The following P2RX3 variants were observed in gnomAD, a reference collection of about 807,000 sequenced individuals.
P2RX3 encodes the protein purinergic receptor P2X 3.
Under a neutral mutation model 51.5 loss-of-function variants are expected in P2RX3, and 41 were observed. That is an observed-to-expected ratio of 0.80 (90% CI 0.62 to 1.03). P2RX3 has a LOEUF of 1.03. Among genes scored for constraint, P2RX3 ranks in the 50% least tolerant of loss-of-function variants. The pLI, the probability that P2RX3 is intolerant of heterozygous loss-of-function variation, is 0.00. For missense variants in P2RX3, 459 were observed against 522.1 expected (o/e 0.88, Z 1.18); for synonymous variants, 185 against 191.6 (o/e 0.97, Z 0.29).
At chr11:57,366,959 C>T in intron 8 of P2RX3, among the ~76,000 whole-genome samples, 1 of 152,172 alleles carries the variant, frequency 6.6e-6, no homozygotes, top group East Asian at 1.9e-4. Context: ...TCAATACTGC[C>T]ACATTGGGGA....
chr11:57,359,722 G>C lies in P2RX3; in HGVS notation c.843-8287G>C, dbSNP rs372292720. Among the ~76,000 whole-genome samples, 23 of 152,324 alleles carry C rather than the reference G, an allele frequency of 1.5e-4. No individual in the cohort carries two copies. The East Asian group carries it at 3.9e-3, about 26-fold the overall frequency. ...GGAACTCCTTTTGGCTCCTCTCTTA[G>C]GGAGGCAGTAGGGGTAGGCAAGGGC... On this transcript the variant is annotated intron_variant, in intron 8 of 11. Transcript: ENST00000263314.
chr11:57,363,841 C>T (rs559121740), intron 8 of P2RX3, among the ~76,000 whole-genome samples: 8 of 152,186 alleles, frequency 5.3e-5, no homozygotes, highest in Non-Finnish European at 1.2e-4. Context: ...CTCCTCCCTC[C>T]ACCCGGGAAG....
intron 1 of P2RX3, among the ~76,000 whole-genome samples, chr11:57,343,850 AG>A (rs1856385581): frequency 6.6e-6 from 1 of 152,208 alleles, no homozygotes; most frequent in Non-Finnish European, 1.5e-5. Flanking sequence ...CAGAGAGCCT[AG>A]GCCCCAGACC....
chr11:57,349,948 C>A, intron 7 of P2RX3, 50 bp downstream of exon 7: 1 of 1,607,672 alleles, frequency 6.2e-7, no homozygotes, highest in Non-Finnish European at 8.5e-7. Context: ...ACCTTCAGCC[C>A]TTTCCCAGAT....
intron 8 of P2RX3, among the ~76,000 whole-genome samples, chr11:57,364,763 C>T (rs1856772977): frequency 6.6e-6 from 1 of 152,212 alleles, no homozygotes; most frequent in African/African-American, 2.4e-5. Flanking sequence ...CCTCCACCAC[C>T]TAGACTTGAA....
At chr11:57,349,329 C>T (rs981139816) in intron 6 of P2RX3, among the ~76,000 whole-genome samples, 3 of 151,696 alleles carry the variant, frequency 2.0e-5, no homozygotes, top group African/African-American at 4.8e-5. Context: ...AGCCAGGCGC[C>T]GTGGCACACC....
chr11:57,357,812 A>T (rs1446988928), intron 8 of P2RX3, among the ~76,000 whole-genome samples: 1 of 152,176 alleles, frequency 6.6e-6, no homozygotes, highest in Admixed American at 6.5e-5. Context: ...CTGCCAGGAG[A>T]TATTTTCCTA....
chr11:57,353,865 G>T (rs1284288565), intron 8 of P2RX3, among the ~76,000 whole-genome samples: 2 of 126,766 alleles, frequency 1.6e-5, no homozygotes, highest in East Asian at 4.5e-4. Context: ...ATTTTTTGTA[G>T]CTCTTTGCCT....
At chr11:57,350,983 C>T (rs1856537873) in intron 8 of P2RX3, 85 bp downstream of exon 8, 2 of 1,578,526 alleles carry the variant, frequency 1.3e-6, no homozygotes, top group African/African-American at 2.7e-5. Context: ...GATCCCACAT[C>T]CATCCACCCA....
intron 8 of P2RX3, among the ~76,000 whole-genome samples, chr11:57,359,319 A>AG: frequency 6.6e-6 from 1 of 152,214 alleles, no homozygotes; most frequent in Admixed American, 6.5e-5. Flanking sequence ...CCCAGAAACC[A>AG]GGGGGGAGGA....
In P2RX3 at chr11:57,371,476, G is replaced by A. The variant is rs1001604088; in HGVS notation, c.*1479G>A. Among the ~76,000 whole-genome samples the A allele has an allele frequency of 1.3e-5, 2 of 152,208 alleles. No individual in the cohort carries two copies. The highest frequency in any genetic ancestry group is 2.9e-5 in the Non-Finnish European group (2 of 68,038). On this transcript the variant is annotated 3_prime_UTR_variant, in exon 12 of 12. Transcript: ENST00000263314. The stretch of plus-strand genomic sequence containing the variant: ...CCAGCTCAACTGTAGATGGAGGGCG[G>A]CCCCTCAACACACGGCACAGGAAGT...
At position 57,346,589 on chromosome 11, in the gene P2RX3, C is replaced by T; in HGVS notation, c.165C>T (p.Ala55=). 1 of 1,614,188 alleles carries T rather than the reference C, an allele frequency of 6.2e-7. No homozygotes were observed. Among genetic ancestry groups the T allele is most frequent in the African/African-American group, 1.3e-5 (1 of 75,038 alleles). The change falls in exon 2 of 12, where the codon GCC becomes GCT. Residue 55 remains alanine (A), a synonymous_variant. Coordinates refer to ENST00000263314, the MANE Select transcript of P2RX3 (RefSeq NM_002559.5). The part of the protein sequence containing the change: ...HEKAYQVRDT[A]IESSVVTKVK... ...AGGCTTACCAGGTACGGGACACAGC[C>T]ATTGAGTCCTCGGTGGTAACCAAGG...
chr11:57,349,962 A>G (rs1050855533), intron 7 of P2RX3, 64 bp downstream of exon 7: 4 of 1,599,288 alleles, frequency 2.5e-6, no homozygotes, highest in Admixed American at 1.7e-5. Flanking sequence ...CCCAGATTTC[A>G]GGGCCCTTTG....
At chr11:57,340,123 A>T (rs936347769) in intron 1 of P2RX3, among the ~76,000 whole-genome samples, 2 of 152,130 alleles carry the variant, frequency 1.3e-5, no homozygotes, top group Non-Finnish European at 2.9e-5. Context: ...TTCTGTGTTC[A>T]CGTGTATATT....
intron 7 of P2RX3, 86 bp downstream of exon 7, chr11:57,349,984 C>A: frequency 6.5e-7 from 1 of 1,547,402 alleles, no homozygotes. Flanking sequence ...CCGGCACTGG[C>A]CAGGAGCCGC....
chr11:57,343,719 C>T (rs897834765), intron 1 of P2RX3, among the ~76,000 whole-genome samples: 1 of 152,124 alleles, frequency 6.6e-6, no homozygotes, highest in South Asian at 2.1e-4. Flanking sequence ...TTCCTTAGGT[C>T]GACACTGAGA....
chr11:57,347,502 C>T (rs771884830), intron 4 of P2RX3, 24 bp downstream of exon 4: 2 of 1,551,488 alleles, frequency 1.3e-6, no homozygotes, highest in South Asian at 2.4e-5. Context: ...CTTACCCACC[C>T]CACAATCCCA....
At chr11:57,369,509 G>A in intron 11 of P2RX3, 71 bp downstream of exon 11, 1 of 1,444,034 alleles carries the variant, frequency 6.9e-7, no homozygotes, top group Non-Finnish European at 9.4e-7. Flanking sequence ...GGGACTCTCA[G>A]TGGCTCCCCT....
chr11:57,352,766 T>C (rs536594652), intron 8 of P2RX3, among the ~76,000 whole-genome samples: 2 of 152,224 alleles, frequency 1.3e-5, no homozygotes, highest in Admixed American at 6.5e-5. Flanking sequence ...CTAAATAAGC[T>C]TGGAGGGTAT....
Sources: gnomAD v4.1 joint callset for allele counts (sites outside exome capture counted in the v4.1 genomes callset) on GRCh38, gnomAD v4.1.1 for gene constraint, MANE v1.5 for transcripts, NCBI Gene and HGNC (gene_info 2026-07-23, HGNC 2026-07-21) for gene names.